Variants in VAMP7 observed in about 807,000 individuals in gnomAD.
VAMP7 encodes vesicle associated membrane protein 7.
Under a neutral mutation model 29.6 loss-of-function variants are expected in VAMP7, and 14 were observed. The observed-to-expected ratio is 0.47, with a 90% CI of 0.31 to 0.74. The LOEUF is 0.74. Ranked by LOEUF, VAMP7 falls within the 30% of genes least tolerant of loss-of-function variation. VAMP7 has a pLI of 0.05. For missense variants in VAMP7, 223 were observed against 262.4 expected (o/e 0.85, Z 1.04); for synonymous variants, 95 against 88.1 (o/e 1.08, Z -0.44).
intron 5 of VAMP7, among the ~76,000 whole-genome samples, chrX:155,911,729 T>G (rs2066240460): frequency 6.6e-6 from 1 of 152,172 alleles, no homozygotes; most frequent in Non-Finnish European, 1.5e-5. Flanking sequence ...TGGGATTACC[T>G]TCTTGATTTC....
intron 5 of VAMP7, among the ~76,000 whole-genome samples, chrX:155,910,421 G>A (rs1448639771): frequency 3.9e-5 from 6 of 152,278 alleles, no homozygotes; most frequent in Non-Finnish European, 8.8e-5. Flanking sequence ...AAATATGCAA[G>A]TGCAGATATC....
At chrX:155,927,370 A>G (rs1378770182) in intron 6 of VAMP7, among the ~76,000 whole-genome samples, 1 of 150,318 alleles carries the variant, frequency 6.7e-6, no homozygotes, top group East Asian at 1.9e-4. Flanking sequence ...AAGTATAATA[A>G]TAATAATAAA....
chrX:155,924,917 A>G (rs932070032), intron 6 of VAMP7, among the ~76,000 whole-genome samples: 1 of 152,168 alleles, frequency 6.6e-6, no homozygotes, highest in Non-Finnish European at 1.5e-5. Context: ...TAATTTTCTA[A>G]ATCTTTTGTT....
Position 155,942,028 on chromosome X carries a change from A to G in VAMP7, c.*77A>G. The G allele has an allele frequency of 1.2e-6, 2 of 1,612,206 alleles. No homozygotes were observed. The highest frequency in any genetic ancestry group is 1.7e-5 in the Admixed American group (1 of 59,724). On this transcript the variant is annotated 3_prime_UTR_variant, in exon 8 of 8. Coordinates refer to ENST00000286448, the MANE Select transcript of VAMP7 (RefSeq NM_005638.6). The stretch of plus-strand genomic sequence containing the variant: ...GCAATCCATGTGACTCAAGCCTTTC[A>G]CATACTGACAGATGGTATCTGCCAG...
At chrX:155,882,523 T>C (rs1352191215) in intron 1 of VAMP7, among the ~76,000 whole-genome samples, 1 of 150,192 alleles carries the variant, frequency 6.7e-6, no homozygotes, top group Non-Finnish European at 1.5e-5. Flanking sequence ...TCTTTTCCCC[T>C]GTCTAAGCAG....
intron 6 of VAMP7, among the ~76,000 whole-genome samples, chrX:155,926,998 A>G (rs1037142109): frequency 1.2e-4 from 18 of 152,298 alleles, no homozygotes; most frequent in African/African-American, 1.7e-4. Context: ...GGCACCCGAA[A>G]ACAATCACAA....
chrX:155,922,807 G>C (rs1029939666), intron 6 of VAMP7, among the ~76,000 whole-genome samples: 1 of 152,004 alleles, frequency 6.6e-6, no homozygotes, highest in African/African-American at 2.4e-5. Flanking sequence ...AAAGCAGATT[G>C]GGCCTCGAGT....
intron 5 of VAMP7, among the ~76,000 whole-genome samples, chrX:155,904,532 G>A (rs4393078): frequency 0.65 from 98,225 of 151,694 alleles, 32,277 homozygotes; most frequent in African/African-American, 0.77. Flanking sequence ...CCATTGCTGC[G>A]ATCAATTTTG....
intron 5 of VAMP7, among the ~76,000 whole-genome samples, chrX:155,911,299 A>T (rs1255775451): frequency 6.6e-6 from 1 of 152,052 alleles, no homozygotes; most frequent in African/African-American, 2.4e-5. Flanking sequence ...ATTCTATTCC[A>T]TCGACCTTGT....
intron 5 of VAMP7, among the ~76,000 whole-genome samples, chrX:155,909,327 CCT>C (rs1357703217): frequency 3.9e-5 from 6 of 152,080 alleles, no homozygotes; most frequent in African/African-American, 1.4e-4. Flanking sequence ...GGTGATGTCT[CCT>C]CTTTCATTTC....
rs188674402 is a variant in VAMP7 at position 155,899,220 on chromosome X, T to C, written c.342+971T>C. ...AATTGAAAAAAAAAAATCACCACTT[T>C]TTTTTCCAAAGTGGTTGTACCATTT... On this transcript the variant is annotated intron_variant, in intron 4 of 7. Coordinates refer to ENST00000286448, the MANE Select transcript of VAMP7 (RefSeq NM_005638.6). Among the ~76,000 whole-genome samples, 5 of 152,146 alleles carry C rather than the reference T, an allele frequency of 3.3e-5. No individual in the cohort carries two copies. In the East Asian group the frequency reaches 9.7e-4, roughly 29 times the overall value.
intron 5 of VAMP7, among the ~76,000 whole-genome samples, chrX:155,908,550 C>T (rs1002664699): frequency 1.5e-4 from 22 of 151,340 alleles, no homozygotes; most frequent in African/African-American, 3.6e-4. Context: ...AGAGGGAGAC[C>T]GTGGGGAGAG....
intron 1 of VAMP7, among the ~76,000 whole-genome samples, chrX:155,885,639 T>C (rs1314013317): frequency 6.6e-6 from 1 of 152,116 alleles, no homozygotes; most frequent in East Asian, 1.9e-4. Flanking sequence ...CTTTATCCAA[T>C]ATGACTGGCA....
chrX:155,919,589 G>A (rs1190822649), intron 5 of VAMP7, among the ~76,000 whole-genome samples: 3 of 152,058 alleles, frequency 2.0e-5, no homozygotes, highest in Non-Finnish European at 4.4e-5. Flanking sequence ...TTTTCTTAGT[G>A]GCTTAGGGTG....
In VAMP7 at chrX:155,941,901, G is replaced by T. The variant is rs1215512019; in HGVS notation, c.613G>T (p.Val205Phe). 3.1e-6 allele frequency: 5 copies of T among 1,613,640 alleles called. No homozygotes were observed. The highest frequency in any genetic ancestry group is 4.2e-6 in the Non-Finnish European group (5 of 1,179,774). The change falls in exon 8 of 8, where the codon GTT becomes TTT. Residue 205 changes from valine (V) to phenylalanine (F), a missense_variant. Physicochemically the swap from Val to Phe is conservative, Grantham distance 50 (BLOSUM62 -1). Transcript: ENST00000286448. Reference sequence around the variant, plus strand: ...CCTCCAGGTGTTCATCTATATCATTGTTTCACCTCTCTGTGGTGGATTTAC... The same window carrying T: ...CCTCCAGGTGTTCATCTATATCATTTTTTCACCTCTCTGTGGTGGATTTAC... ...IVSIVFIYII[V>F]SPLCGGFTWP...
At chrX:155,924,652 G>A (rs575866202) in intron 6 of VAMP7, among the ~76,000 whole-genome samples, 2 of 152,228 alleles carry the variant, frequency 1.3e-5, no homozygotes, top group South Asian at 4.2e-4. Flanking sequence ...TCTTTTTGCT[G>A]GTGGAGGGTC....
chrX:155,932,852 C>T (rs1370935237), intron 6 of VAMP7, among the ~76,000 whole-genome samples: 1 of 151,402 alleles, frequency 6.6e-6, no homozygotes, highest in African/African-American at 2.4e-5. Flanking sequence ...TTTGTCATAG[C>T]TCTTATTATT....
intron 5 of VAMP7, among the ~76,000 whole-genome samples, chrX:155,912,667 A>G (rs900184981): frequency 1.3e-5 from 2 of 152,086 alleles, no homozygotes; most frequent in African/African-American, 4.8e-5. Context: ...AGCTTCATCC[A>G]TGTCCCTGCA....
At chrX:155,886,044 AG>A (rs1248978231) in intron 1 of VAMP7, among the ~76,000 whole-genome samples, 1 of 152,154 alleles carries the variant, frequency 6.6e-6, no homozygotes, top group African/African-American at 2.4e-5. Context: ...AAAGAGGAAC[AG>A]TGTTGATATG....
Sources: allele counts gnomAD v4.1 joint callset (sites outside exome capture counted in the v4.1 genomes callset), GRCh38; gene constraint gnomAD v4.1.1; transcripts MANE v1.5; gene names NCBI Gene and HGNC (gene_info 2026-07-23, HGNC 2026-07-21).